AKAP6: variants seen among roughly 807,000 people sequenced by gnomAD.
The protein encoded by AKAP6 is A-kinase anchor protein 6.
Under a neutral mutation model 188.5 loss-of-function variants are expected in AKAP6, and 58 were observed. That is an observed-to-expected ratio of 0.31 (90% CI 0.25 to 0.38). The LOEUF is 0.38. AKAP6 is among the 10% of genes least tolerant of loss of function. AKAP6 has a pLI of 1.00. For synonymous variants in AKAP6, 989 were observed against 998.6 expected, an observed-to-expected ratio of 0.99 and a Z score of 0.18; for missense variants, 2,710 against 2,740.0, an observed-to-expected ratio of 0.99 and a Z score of 0.24.
Position 32,735,891 on chromosome 14 carries a change from A to G in AKAP6, c.3372+9A>G. 1 of 1,567,960 alleles carries G rather than the reference A, an allele frequency of 6.4e-7. No individual in the cohort carries two copies. Among genetic ancestry groups the G allele is most frequent in the Admixed American group, 2.0e-5 (1 of 50,492 alleles). ...AACTGCAATACTTTAAGGTAATAAA[A>G]AAACAATCAAAGTTGATAAAAAGCT... is the stretch of plus-strand genomic sequence containing the variant. On this transcript the variant is annotated intron_variant, in intron 11 of 13. Coordinates refer to ENST00000280979, the MANE Select transcript of AKAP6 (RefSeq NM_004274.5).
intron 12 of AKAP6, among the ~76,000 whole-genome samples, chr14:32,802,973 C>T (rs570540833): frequency 6.6e-6 from 1 of 151,732 alleles, no homozygotes; most frequent in African/African-American, 2.4e-5. Context: ...TTGTGTATGC[C>T]TGTAATCCTA....
intron 1 of AKAP6, among the ~76,000 whole-genome samples, chr14:32,390,927 C>A (rs1446164514): frequency 1.3e-5 from 2 of 152,112 alleles, no homozygotes; most frequent in Non-Finnish European, 2.9e-5. Context: ...CCGCCATGAT[C>A]CCCCAAGAAT....
intron 7 of AKAP6, chr14:32,627,981 A>T (rs1887096036): frequency 2.0e-5 from 3 of 152,122 alleles, no homozygotes; most frequent in Admixed American, 6.6e-5. Flanking sequence ...GAAGGATTAT[A>T]TGGCAGGGCA....
At chr14:32,781,348 C>CAAAA (rs34848067) in intron 12 of AKAP6, among the ~76,000 whole-genome samples, 1 of 117,244 alleles carries the variant, frequency 8.5e-6, no homozygotes, top group Admixed American at 8.8e-5. Flanking sequence ...AACTTACTCT[C>CAAAA]AAAAAAAAAA....
chr14:32,352,102 T>TA (rs1566458700), intron 1 of AKAP6, among the ~76,000 whole-genome samples: 1 of 96,982 alleles, frequency 1.0e-5, no homozygotes, highest in Non-Finnish European at 1.9e-5. Context: ...TGTGTGTGTG[T>TA]TTGTGTGTGT....
chr14:32,673,722 G>C (rs1307519625), intron 7 of AKAP6, among the ~76,000 whole-genome samples: 1 of 152,102 alleles, frequency 6.6e-6, no homozygotes, highest in Non-Finnish European at 1.5e-5. Context: ...GCAGTAGAGT[G>C]AGACTCCATC....
rs563047712 is a variant in AKAP6, at chr14:32,340,856, C to T, written c.-35+11448C>T. On this transcript the variant is annotated intron_variant, in intron 1 of 13. Transcript: ENST00000280979. ...TCACATAATGGAAGGGATAAAGAGTCTCTCTTGGGCCTCTTTTATTAGGGC... is the reference window on the plus strand; with the variant it reads ...TCACATAATGGAAGGGATAAAGAGTTTCTCTTGGGCCTCTTTTATTAGGGC... Among the ~76,000 whole-genome samples, 9 of 152,260 alleles carry T rather than the reference C, an allele frequency of 5.9e-5. No homozygotes were observed. The East Asian group carries it at 1.7e-3, about 29-fold the overall frequency.
intron 2 of AKAP6, among the ~76,000 whole-genome samples, chr14:32,483,784 G>A (rs8010225): frequency 0.62 from 94,806 of 151,762 alleles, 30,897 homozygotes; most frequent in East Asian, 0.86. Flanking sequence ...GTGCCCCCCA[G>A]ATTTATTTAT....
rs1234816016 is a variant in AKAP6, at chr14:32,829,892, G to A, written c.*87G>A. 2.8e-6 allele frequency: 2 copies of A among 702,622 alleles called. No homozygotes were observed. Among genetic ancestry groups the A allele is most frequent in the Non-Finnish European group, 5.2e-6 (2 of 384,746 alleles). The allele number at this position is 702,622 out of a possible 1,614,324, so 43.5% of individuals were successfully genotyped here. A position where few individuals can be genotyped will look rare whatever the true frequency, so the allele number is the denominator to read the frequency against. Reference sequence around the variant, plus strand: ...AGGGGTGGCCTCATCCTCCCGCCCTGGGCTGGCCTCTGGTTCCATCACGTT... The same window carrying A: ...AGGGGTGGCCTCATCCTCCCGCCCTAGGCTGGCCTCTGGTTCCATCACGTT... On this transcript the variant is annotated 3_prime_UTR_variant, in exon 14 of 14. Coordinates refer to ENST00000280979, the MANE Select transcript of AKAP6 (RefSeq NM_004274.5).
intron 7 of AKAP6, among the ~76,000 whole-genome samples, chr14:32,629,371 AAC>A (rs1172264317): frequency 6.6e-6 from 1 of 151,000 alleles, no homozygotes; most frequent in African/African-American, 2.4e-5. Context: ...CATGCATCAT[AAC>A]ACAGCATAAC....
chr14:32,693,421 G>T (rs998898174), intron 8 of AKAP6: 6 of 152,154 alleles, frequency 3.9e-5, no homozygotes, highest in Non-Finnish European at 7.3e-5. Flanking sequence ...AAGAACCCTG[G>T]AGTCTCTTCT....
At chr14:32,655,817 T>G (rs1040892946) in intron 7 of AKAP6, among the ~76,000 whole-genome samples, 2 of 152,144 alleles carry the variant, frequency 1.3e-5, no homozygotes, top group African/African-American at 4.8e-5. Context: ...AGGGTCAGAC[T>G]GGGGAAAGCG....
chr14:32,625,255 C>A (rs1001616567), intron 7 of AKAP6, among the ~76,000 whole-genome samples: 1 of 152,084 alleles, frequency 6.6e-6, no homozygotes, highest in African/African-American at 2.4e-5. Context: ...AATAACACTA[C>A]ATACGTTAAG....
At chr14:32,466,397 TA>T (rs575940478) in intron 2 of AKAP6, among the ~76,000 whole-genome samples, 1 of 152,048 alleles carries the variant, frequency 6.6e-6, no homozygotes, top group Admixed American at 6.6e-5. Context: ...TATGCAGCCA[TA>T]AAAAAGAATG....
rs546819675 is a variant in AKAP6, at chr14:32,811,255, A to AAAAAAAAAAAT, written c.3589-10146_3589-10145insAAAAAAAAATA. Among the ~76,000 whole-genome samples the AAAAAAAAAAAT allele has an allele frequency of 4.6e-4, 55 of 118,340 alleles. 8 individuals carry two copies. The highest frequency in any genetic ancestry group is 1.3e-3 in the East Asian group (5 of 3,842). 77.6% of individuals were successfully genotyped at this position (118,340 alleles called of 152,430 possible). A position where few individuals can be genotyped will look rare whatever the true frequency, so the allele number is the denominator to read the frequency against. ...CTCCGTCTCAGGAAAAAAAAAAAAA[A>AAAAAAAAAAAT]AGTTGAAAAACAGACTAAGATAATG... On this transcript the variant is annotated intron_variant, in intron 12 of 13. Transcript: ENST00000280979.
chr14:32,567,143 A>G (rs1884230329), intron 4 of AKAP6, among the ~76,000 whole-genome samples: 1 of 151,826 alleles, frequency 6.6e-6, no homozygotes, highest in African/African-American at 2.4e-5. Flanking sequence ...CTGGTCTCAA[A>G]CTCCTGGACT....
intron 1 of AKAP6, among the ~76,000 whole-genome samples, chr14:32,393,634 T>C (rs777250305): frequency 1.3e-5 from 2 of 152,194 alleles, no homozygotes; most frequent in Non-Finnish European, 2.9e-5. Context: ...TACTGGACTT[T>C]CTTGTCTATT....
At chr14:32,710,790 C>T (rs190755381) in intron 9 of AKAP6, among the ~76,000 whole-genome samples, 1 of 152,156 alleles carries the variant, frequency 6.6e-6, no homozygotes, top group Admixed American at 6.6e-5. Context: ...GGGGCTTCAC[C>T]TGGTCCTTGG....
intron 7 of AKAP6, among the ~76,000 whole-genome samples, chr14:32,602,202 G>A (rs1444787287): frequency 6.6e-6 from 1 of 152,188 alleles, no homozygotes; most frequent in African/African-American, 2.4e-5. Flanking sequence ...GCTGTGTGTG[G>A]AAGTAGGGAG....
Sources: allele counts gnomAD v4.1 joint callset (sites outside exome capture counted in the v4.1 genomes callset), GRCh38; gene constraint gnomAD v4.1.1; transcripts MANE v1.5; gene names NCBI Gene and HGNC (gene_info 2026-07-23, HGNC 2026-07-21).